GPC6: variants seen among roughly 807,000 people sequenced by gnomAD.
GPC6 encodes the protein glypican 6, also known as glypican-6.
A neutral mutation model predicts 55.2 loss-of-function variants in GPC6; 14 were observed. The ratio of observed to expected loss-of-function variants is 0.25; its 90% CI spans 0.17 to 0.40. The LOEUF (loss-of-function observed/expected upper bound fraction) is 0.40. GPC6 is among the 10% of genes least tolerant of loss of function. The pLI is 1.00. For missense variants in GPC6, 641 were observed against 708.5 expected, an observed-to-expected ratio of 0.90 and a Z score of 1.08; for synonymous variants, 278 against 259.6, an observed-to-expected ratio of 1.07 and a Z score of -0.68.
At chr13:93,420,390 G>T (rs566302162) in intron 1 of GPC6, among the ~76,000 whole-genome samples, 7 of 152,268 alleles carry the variant, frequency 4.6e-5, no homozygotes, top group Admixed American at 2.6e-4. Flanking sequence ...AGGTGTCCAT[G>T]CTGAGTTGGA....
At chr13:94,024,382 A>G (rs1244216197) in intron 3 of GPC6, among the ~76,000 whole-genome samples, 1 of 152,156 alleles carries the variant, frequency 6.6e-6, no homozygotes, top group Admixed American at 6.5e-5. Context: ...TATGAAAAAT[A>G]GAGATGTCTC....
At chr13:94,091,401 T>C (rs1885475594) in intron 4 of GPC6, among the ~76,000 whole-genome samples, 1 of 152,178 alleles carries the variant, frequency 6.6e-6, no homozygotes, top group Non-Finnish European at 1.5e-5. Context: ...TAAATGACTT[T>C]AGCTAACTTG....
At chr13:94,214,517 T>C (rs192633002) in intron 4 of GPC6, among the ~76,000 whole-genome samples, 164 of 152,278 alleles carry the variant, frequency 1.1e-3, no homozygotes, top group African/African-American at 3.7e-3. Flanking sequence ...CCTAAAGTTG[T>C]TTTTATTAGG....
intron 3 of GPC6, among the ~76,000 whole-genome samples, chr13:93,849,728 A>G (rs1888328786): frequency 6.6e-6 from 1 of 152,138 alleles, no homozygotes; most frequent in African/African-American, 2.4e-5. Flanking sequence ...TACTTATTAC[A>G]ATTGAGTTTG....
chr13:93,903,906 CCT>C, intron 3 of GPC6, among the ~76,000 whole-genome samples: 1 of 151,894 alleles, frequency 6.6e-6, no homozygotes, highest in East Asian at 1.9e-4. Context: ...GTTGTCTTTC[CCT>C]GTGTGTAGTA....
intron 1 of GPC6, among the ~76,000 whole-genome samples, chr13:93,259,418 T>C (rs1474025975): frequency 6.6e-6 from 1 of 152,158 alleles, no homozygotes; most frequent in African/African-American, 2.4e-5. Context: ...ATGTAGAAGC[T>C]TCCTAGTAAT....
At chr13:93,372,578 A>G (rs1228975798) in intron 1 of GPC6, among the ~76,000 whole-genome samples, 1 of 152,174 alleles carries the variant, frequency 6.6e-6, no homozygotes, top group African/African-American at 2.4e-5. Flanking sequence ...AAGTTATTGT[A>G]TATTCTATTA....
chr13:93,708,091 C>T (rs1168074872), intron 2 of GPC6, among the ~76,000 whole-genome samples: 1 of 151,740 alleles, frequency 6.6e-6, no homozygotes, highest in East Asian at 1.9e-4. Context: ...AATGATATCA[C>T]TCATTTAGCG....
Position 93,781,924 on chromosome 13 carries a change from T to C in GPC6, c.320-48230T>C, listed in dbSNP as rs190926272. On this transcript the variant is annotated intron_variant, in intron 2 of 8. Coordinates refer to ENST00000377047, the MANE Select transcript of GPC6 (RefSeq NM_005708.5). ...ATGAATTTTATTAGCATATGTATTATCATATATTTATTTTTGTTGGTAAGA... is the reference window on the plus strand; with the variant it reads ...ATGAATTTTATTAGCATATGTATTACCATATATTTATTTTTGTTGGTAAGA... Among the ~76,000 whole-genome samples, 349 of 152,314 alleles carry C rather than the reference T, an allele frequency of 2.3e-3. 3 individuals are homozygous for C. Among genetic ancestry groups the C allele is most frequent in the Non-Finnish European group, 4.1e-3 (278 of 68,030 alleles).
chr13:93,803,754 A>T (rs1401696396), intron 2 of GPC6, among the ~76,000 whole-genome samples: 4 of 152,208 alleles, frequency 2.6e-5, no homozygotes, highest in Non-Finnish European at 5.9e-5. Flanking sequence ...TTTAGTCATA[A>T]AAAAGTGAAA....
At chr13:94,110,250 A>G (rs1398268100) in intron 4 of GPC6, among the ~76,000 whole-genome samples, 59 of 151,828 alleles carry the variant, frequency 3.9e-4, no homozygotes, top group Non-Finnish European at 1.5e-4. Flanking sequence ...ATCATTGTCA[A>G]GGAGTAGTGG....
chr13:93,891,106 A>G (rs1456042780), intron 3 of GPC6, among the ~76,000 whole-genome samples: 6 of 152,160 alleles, frequency 3.9e-5, no homozygotes, highest in African/African-American at 1.4e-4. Flanking sequence ...TTTTAAAAAA[A>G]TGCATGCCCA....
chr13:93,593,427 C>A (rs1010317392), intron 2 of GPC6, among the ~76,000 whole-genome samples: 3 of 152,016 alleles, frequency 2.0e-5, no homozygotes, highest in African/African-American at 7.2e-5. Flanking sequence ...TACTTTATTT[C>A]CTGCAAAACT....
intron 2 of GPC6, among the ~76,000 whole-genome samples, chr13:93,827,150 C>A (rs1008613327): frequency 5.9e-5 from 9 of 152,198 alleles, no homozygotes; most frequent in Admixed American, 3.9e-4. Context: ...TTTTTGTTGA[C>A]TGAAGACTTT....
chr13:93,552,984 C>T lies in GPC6; in HGVS notation c.319+7563C>T, dbSNP rs1352729279. Among the ~76,000 whole-genome samples, 4 of 152,268 alleles carry T rather than the reference C, an allele frequency of 2.6e-5. No individual in the cohort carries two copies. The East Asian group carries it at 5.8e-4, about 22-fold the overall frequency. ...AAATATTTAATGGGGATGTAAATTA[C>T]AGCTCCCTGGAAACATTTTTGTCTT... On this transcript the variant is annotated intron_variant, in intron 2 of 8. Transcript: ENST00000377047.
At chr13:94,257,679 G>A (rs1359556028) in intron 4 of GPC6, among the ~76,000 whole-genome samples, 2 of 152,186 alleles carry the variant, frequency 1.3e-5, no homozygotes, top group East Asian at 3.9e-4. Flanking sequence ...GACCAGTGCA[G>A]GGTCCCCTGT....
intron 1 of GPC6, among the ~76,000 whole-genome samples, chr13:93,490,078 C>G (rs1407581003): frequency 6.6e-6 from 1 of 151,318 alleles, no homozygotes. Flanking sequence ...AGTTTTTGCC[C>G]ATTCAGTATG....
intron 6 of GPC6, among the ~76,000 whole-genome samples, chr13:94,370,944 A>G (rs140136116): frequency 3.3e-4 from 50 of 152,336 alleles, no homozygotes; most frequent in African/African-American, 1.2e-3. Context: ...GATGCCTGCC[A>G]TTATATTGTT....
At chr13:93,814,626 G>A (rs1886792868) in intron 2 of GPC6, among the ~76,000 whole-genome samples, 1 of 152,198 alleles carries the variant, frequency 6.6e-6, no homozygotes, top group South Asian at 2.1e-4. Flanking sequence ...CACTGAACCA[G>A]AACCTGGCTT....
Sources: gnomAD v4.1 joint callset for allele counts (sites outside exome capture counted in the v4.1 genomes callset) on GRCh38, gnomAD v4.1.1 for gene constraint, MANE v1.5 for transcripts, NCBI Gene and HGNC (gene_info 2026-07-23, HGNC 2026-07-21) for gene names.